The following CMIP variants were observed in gnomAD, a reference collection of about 807,000 sequenced individuals.
CMIP encodes the protein c-Maf inducing protein, also known as C-Maf-inducing protein.
In CMIP, 13 loss-of-function variants were observed where a neutral mutation model predicts 97.3. The observed-to-expected ratio is 0.13, with a 90% confidence interval of 0.09 to 0.21. The LOEUF is 0.21. Among genes scored for constraint, CMIP ranks in the 10% least tolerant of loss-of-function variants. The pLI is 1.00. For missense variants in CMIP, 847 were observed against 1,024.9 expected (o/e 0.83, Z 2.37); for synonymous variants, 538 against 436.3 (o/e 1.23, Z -2.91).
At chr16:81,486,044 C>G (rs1226343783) in intron 1 of CMIP, among the ~76,000 whole-genome samples, 1 of 152,254 alleles carries the variant, frequency 6.6e-6, no homozygotes, top group Non-Finnish European at 1.5e-5. Flanking sequence ...GGCACCCGGC[C>G]TGACAGGCAG....
At chr16:81,705,864 C>T (rs760711561) in intron 19 of CMIP, among the ~76,000 whole-genome samples, 25 of 152,228 alleles carry the variant, frequency 1.6e-4, no homozygotes, top group Non-Finnish European at 2.1e-4. Context: ...AGCCCATAGC[C>T]TCTTGACACT....
chr16:81,642,047 A>G (rs1198937735), intron 3 of CMIP, among the ~76,000 whole-genome samples: 1 of 152,268 alleles, frequency 6.6e-6, no homozygotes, highest in Non-Finnish European at 1.5e-5. Flanking sequence ...TTTAAAATGT[A>G]TTTATACAAA....
chr16:81,669,421 T>C (rs1269009250), intron 7 of CMIP, among the ~76,000 whole-genome samples: 6 of 72,476 alleles, frequency 8.3e-5, no homozygotes, highest in Non-Finnish European at 1.7e-4. Flanking sequence ...ACCCACTTCA[T>C]ACCTCCTTCC....
intron 1 of CMIP, among the ~76,000 whole-genome samples, chr16:81,451,346 T>A (rs1906203229): frequency 6.6e-6 from 1 of 152,334 alleles, no homozygotes; most frequent in South Asian, 2.1e-4. Context: ...GCCTTTCACC[T>A]TCCACCATGG....
At chr16:81,505,665 G>C (rs2089695551) in intron 1 of CMIP, among the ~76,000 whole-genome samples, 1 of 152,210 alleles carries the variant, frequency 6.6e-6, no homozygotes, top group African/African-American at 2.4e-5. Context: ...GTCTCTCTTT[G>C]AGTCTCTCCT....
At chr16:81,626,103 A>G (rs1176077719) in intron 3 of CMIP, among the ~76,000 whole-genome samples, 2 of 152,134 alleles carry the variant, frequency 1.3e-5, no homozygotes, top group Non-Finnish European at 1.5e-5. Context: ...CCAGCCCCCT[A>G]GGGTGGCCAC....
intron 13 of CMIP, among the ~76,000 whole-genome samples, chr16:81,695,105 A>C (rs933991268): frequency 5.7e-4 from 86 of 152,202 alleles, no homozygotes; most frequent in African/African-American, 1.9e-3. Flanking sequence ...TTCTCAAACC[A>C]GGGAAATGTG....
chr16:81,463,238 G>T (rs1451201654), intron 1 of CMIP, among the ~76,000 whole-genome samples: 1 of 152,170 alleles, frequency 6.6e-6, no homozygotes, highest in Non-Finnish European at 1.5e-5. Context: ...TTTCCTCATT[G>T]TCTTTGTTTC....
intron 6 of CMIP, among the ~76,000 whole-genome samples, chr16:81,661,376 C>T (rs550320275): frequency 2.0e-5 from 3 of 152,380 alleles, no homozygotes; most frequent in East Asian, 1.9e-4. Context: ...GCAGGGCATC[C>T]GCTGCCGGGC....
At chr16:81,658,445 A>G (rs765366808) in intron 5 of CMIP, among the ~76,000 whole-genome samples, 2 of 152,264 alleles carry the variant, frequency 1.3e-5, no homozygotes, top group Non-Finnish European at 1.5e-5. Context: ...TATTGTAGGA[A>G]GACAAAAGTG....
intron 3 of CMIP, among the ~76,000 whole-genome samples, chr16:81,642,023 A>G (rs951937476): frequency 1.3e-5 from 2 of 152,210 alleles, no homozygotes; most frequent in African/African-American, 2.4e-5. Flanking sequence ...CACCTCATTT[A>G]GTGGATGGGA....
intron 9 of CMIP, among the ~76,000 whole-genome samples, chr16:81,677,546 A>G (rs1420010815): frequency 2.0e-5 from 3 of 152,226 alleles, no homozygotes; most frequent in Admixed American, 2.0e-4. Flanking sequence ...GGCTTTAACC[A>G]GGTCAAGGCT....
chr16:81,499,093 G>C (rs918953123), intron 1 of CMIP, among the ~76,000 whole-genome samples: 3 of 151,724 alleles, frequency 2.0e-5, no homozygotes, highest in Admixed American at 2.0e-4. Flanking sequence ...GATCGGTGTA[G>C]AGAAGCTAGA....
chr16:81,469,158 G>A (rs1907379039), intron 1 of CMIP, among the ~76,000 whole-genome samples: 1 of 152,234 alleles, frequency 6.6e-6, no homozygotes, highest in Admixed American at 6.5e-5. Flanking sequence ...TTTGACGTTG[G>A]TGGGGAAACC....
chr16:81,637,714 G>A (rs2092254408), intron 3 of CMIP, among the ~76,000 whole-genome samples: 1 of 152,134 alleles, frequency 6.6e-6, no homozygotes, highest in Non-Finnish European at 1.5e-5. Context: ...GGAGGCAGCT[G>A]GCCCATAGGT....
intron 3 of CMIP, among the ~76,000 whole-genome samples, chr16:81,623,974 C>G (rs554853907): frequency 3.9e-5 from 6 of 152,330 alleles, no homozygotes; most frequent in African/African-American, 1.2e-4. Flanking sequence ...GTGCTTTTCT[C>G]TGAGATTGGG....
At chr16:81,461,301 A>G (rs1906883205) in intron 1 of CMIP, among the ~76,000 whole-genome samples, 1 of 152,030 alleles carries the variant, frequency 6.6e-6, no homozygotes, top group African/African-American at 2.4e-5. Context: ...TTCCTTCTCC[A>G]TTTGCCCCTT....
intron 1 of CMIP, among the ~76,000 whole-genome samples, chr16:81,489,524 G>A (rs557596643): frequency 9.2e-5 from 14 of 152,320 alleles, no homozygotes; most frequent in South Asian, 2.1e-4. Context: ...CAAAAGTGCC[G>A]CTGTACCCGG....
At chr16:81,672,160 C>T in intron 9 of CMIP, 90 bp downstream of exon 9, 4 of 733,946 alleles carry the variant, frequency 5.4e-6, no homozygotes, top group Non-Finnish European at 9.5e-6. Context: ...ACTGACCAGG[C>T]CAGAGAGGTG....
Sources: allele counts gnomAD v4.1 joint callset (sites outside exome capture counted in the v4.1 genomes callset), GRCh38; gene constraint gnomAD v4.1.1; transcripts MANE v1.5; gene names NCBI Gene and HGNC (gene_info 2026-07-23, HGNC 2026-07-21).